PPP2R3B: variants seen among roughly 807,000 people sequenced by gnomAD.
The protein encoded by PPP2R3B is protein phosphatase 2 regulatory subunit B''beta.
Under a neutral mutation model 72.9 loss-of-function variants are expected in PPP2R3B, and 68 were observed. That is an observed-to-expected ratio of 0.93 (90% CI 0.77 to 1.14). PPP2R3B has a LOEUF of 1.14. Among genes scored for constraint, PPP2R3B ranks in the 50% most tolerant of loss-of-function variants. PPP2R3B has a pLI of 0.00. For missense variants in PPP2R3B, 1,018 were observed against 842.0 expected, an observed-to-expected ratio of 1.21 and a Z score of -2.59; for synonymous variants, 466 against 375.8, an observed-to-expected ratio of 1.24 and a Z score of -2.78.
At chrX:376,271 C>G (rs2071990916) in intron 1 of PPP2R3B, among the ~76,000 whole-genome samples, 1 of 149,342 alleles carries the variant, frequency 6.7e-6, no homozygotes, top group African/African-American at 2.4e-5. Flanking sequence ...GAGATTTAGA[C>G]TCTGACCTGG....
Position 341,179 on chromosome X carries a change from G to A in PPP2R3B, c.1175+128C>T. Reference sequence around the variant, plus strand: ...CCCTGTGCCGTGCAGCCCCCACCGGGCGTGCACATGTCCCCCTGTGCCGTG... The same window carrying A: ...CCCTGTGCCGTGCAGCCCCCACCGGACGTGCACATGTCCCCCTGTGCCGTG... On this transcript the variant is annotated intron_variant, in intron 9 of 12. Transcript: ENST00000390665. 3 of 869,976 alleles carry A rather than the reference G, an allele frequency of 3.4e-6. No individual in the cohort carries two copies. In the South Asian group the frequency reaches 4.4e-5, roughly 13 times the overall value. The allele number at this position is 869,976 out of a possible 1,614,324, so 53.9% of individuals were successfully genotyped here.
At chrX:347,475 A>T in intron 3 of PPP2R3B, 115 bp downstream of exon 3, 1 of 1,360,338 alleles carries the variant, frequency 7.4e-7, no homozygotes. Flanking sequence ...CTGTGCCCGT[A>T]CAAGGGTTTC....
rs199933853 is a variant in PPP2R3B at position 361,393 on chromosome X, C to T, written c.510+12G>A. On this transcript the variant is annotated intron_variant, in intron 2 of 12. Coordinates refer to ENST00000390665, the MANE Select transcript of PPP2R3B (RefSeq NM_013239.5). ...CACCTCGGCTGCTCCACGTCCCACGCGTGACACGTACCTTGGCCACCAGGC... is the reference window on the plus strand; with the variant it reads ...CACCTCGGCTGCTCCACGTCCCACGTGTGACACGTACCTTGGCCACCAGGC... 85 of 1,613,814 alleles carry T rather than the reference C, an allele frequency of 5.3e-5. 1 individual carries two copies. In the East Asian group the frequency reaches 6.0e-4, roughly 11 times the overall value.
At chrX:346,148 G>A (rs1254208737) in intron 6 of PPP2R3B, 26 bp downstream of exon 6, 12 of 1,430,250 alleles carry the variant, frequency 8.4e-6, no homozygotes, top group Non-Finnish European at 1.0e-5. Context: ...AAGGCAGGGG[G>A]CAGGGGACAG....
rs750384308 is a variant in PPP2R3B at position 341,373 on chromosome X, C to T, written c.1109G>A (p.Gly370Glu). The T allele has an allele frequency of 6.2e-7, 1 of 1,612,732 alleles. No individual in the cohort carries two copies. The highest frequency in any genetic ancestry group is 1.1e-5 in the South Asian group (1 of 91,074). ...VTRGRKVQKE[G>E]KISYADFVWF... ...GACAAAGTCGGCATAGCTGATCTTC[C>T]CTTCCTTCTGCACTTTTCTGCCTCT... Residue 370 changes from glycine to glutamate, a missense_variant, in exon 9 of 13, where the codon GGG (glycine) becomes GAG (glutamate). Transcript: ENST00000390665.
chrX:334,985 C>T (rs1264685867), intron 12 of PPP2R3B: 2 of 156,400 alleles, frequency 1.3e-5, no homozygotes, highest in Non-Finnish European at 2.8e-5. Context: ...CGCGCCTTCC[C>T]TTAAGGTCTC....
intron 1 of PPP2R3B, among the ~76,000 whole-genome samples, chrX:364,632 C>A (rs1224234915): frequency 6.9e-6 from 1 of 144,000 alleles, no homozygotes; most frequent in Non-Finnish European, 1.5e-5. Context: ...GCAGGAGAAT[C>A]GCTTCAACAC....
rs1361438357 is a variant in PPP2R3B at position 334,117 on chromosome X, C to T, written c.*250G>A. ...GGAACCCAGGCTGGGTCGGGAACGG[C>T]AAGCGCCAGAGGGTGTCCGTGTGGG... On this transcript the variant is annotated 3_prime_UTR_variant, in exon 13 of 13. Transcript: ENST00000390665. The T allele has an allele frequency of 5.2e-6, 2 of 384,590 alleles. No homozygotes were observed. The highest frequency in any genetic ancestry group is 4.3e-5 in the East Asian group (1 of 23,308). 23.8% of individuals were successfully genotyped at this position (384,590 alleles called of 1,614,324 possible).
At chrX:383,855 A>AAAC (rs2072182376) in intron 1 of PPP2R3B, among the ~76,000 whole-genome samples, 3 of 134,874 alleles carry the variant, frequency 2.2e-5, no homozygotes, top group African/African-American at 3.1e-5. Context: ...AAAAAAAAAA[A>AAAC]AAAAAAAAAA....
chrX:342,296 GGAGT>G (rs2071098364), intron 7 of PPP2R3B: 1 of 344,358 alleles, frequency 2.9e-6, no homozygotes, highest in Admixed American at 4.5e-5. Flanking sequence ...ACGGGAGACG[GGAGT>G]GAGACCTCAG....
At chrX:348,881 G>A (rs1446810312) in intron 2 of PPP2R3B, among the ~76,000 whole-genome samples, 4 of 152,040 alleles carry the variant, frequency 2.6e-5, no homozygotes, top group South Asian at 4.2e-4. Context: ...GAAGAAAAAC[G>A]AGGGGCGTTT....
chrX:334,283 T>C lies in PPP2R3B; in HGVS notation c.*84A>G. 7.3e-7 allele frequency: 1 copy of C among 1,362,592 alleles called. No individual in the cohort carries two copies. The highest frequency in any genetic ancestry group is 9.6e-7 in the Non-Finnish European group (1 of 1,042,416). 84.4% of individuals were successfully genotyped at this position (1,362,592 alleles called of 1,614,324 possible). ...TCATTCCGTACAAACGCACTCATTT[T>C]CCACAACAGTTTTTACACGAGCCGC... On this transcript the variant is annotated 3_prime_UTR_variant, in exon 13 of 13. Transcript: ENST00000390665.
intron 1 of PPP2R3B, among the ~76,000 whole-genome samples, chrX:364,523 A>AC (rs1292665213): frequency 2.8e-5 from 4 of 143,344 alleles, no homozygotes; most frequent in Non-Finnish European, 4.7e-5. Context: ...AAAAAAAACA[A>AC]AAAAAAAAAA....
At chrX:347,128 G>C (rs1382703879) in intron 4 of PPP2R3B, 106 bp downstream of exon 4, 2 of 1,208,004 alleles carry the variant, frequency 1.7e-6, no homozygotes. Context: ...CCTCCCGTGA[G>C]GGATGAGGCG....
intron 12 of PPP2R3B, 37 bp from the exon 13 acceptor site, chrX:334,554 GCGGAGCAGGCCCTGGGCCGTTTTC>G (rs751724312): frequency 1.4e-6 from 2 of 1,469,514 alleles, no homozygotes; most frequent in Non-Finnish European, 1.8e-6. Context: ...GGCCAGCAGC[GCGGAGCAGGCCCTGGGCCGTTTTC>G]CGGGAAACAC....
chrX:340,989 C>A, intron 9 of PPP2R3B, 49 bp from the exon 10 acceptor site: 1 of 1,593,646 alleles, frequency 6.3e-7, no homozygotes, highest in South Asian at 1.1e-5. Flanking sequence ...CCTCCCAGCC[C>A]GTGACCTGCA....
At chrX:369,254 T>G (rs2071803153) in intron 1 of PPP2R3B, among the ~76,000 whole-genome samples, 1 of 152,142 alleles carries the variant, frequency 6.6e-6, no homozygotes, top group Admixed American at 6.5e-5. Context: ...CATTAAAAAG[T>G]TCAGACAAAC....
chrX:336,928 A>G (rs2070905469), intron 12 of PPP2R3B: 1 of 152,126 alleles, frequency 6.6e-6, no homozygotes, highest in African/African-American at 2.4e-5. Context: ...CCATTCACTC[A>G]GCGAGATCTC....
At chrX:356,562 C>T (rs1184778833) in intron 2 of PPP2R3B, among the ~76,000 whole-genome samples, 1 of 152,156 alleles carries the variant, frequency 6.6e-6, no homozygotes, top group Non-Finnish European at 1.5e-5. Context: ...CATGTGGCCA[C>T]CAGATGAGGC....
Sources: allele counts gnomAD v4.1 joint callset (sites outside exome capture counted in the v4.1 genomes callset), GRCh38; gene constraint gnomAD v4.1.1; transcripts MANE v1.5; gene names NCBI Gene and HGNC (gene_info 2026-07-23, HGNC 2026-07-21).